The following MYO16 variants were observed in gnomAD, a reference collection of about 807,000 sequenced individuals.
MYO16 encodes myosin XVI, also known as unconventional myosin-XVI.
A neutral mutation model predicts 205.3 loss-of-function variants in MYO16; 94 were observed. The ratio of observed to expected loss-of-function variants is 0.46; its 90% CI spans 0.39 to 0.54. MYO16 has a LOEUF of 0.54. Among genes scored for constraint, MYO16 ranks in the 20% least tolerant of loss-of-function variants. The pLI, the probability that MYO16 is intolerant of heterozygous loss-of-function variation, is 0.00. For synonymous variants in MYO16, 988 were observed against 954.0 expected, an observed-to-expected ratio of 1.04 and a Z score of -0.66; for missense variants, 2,315 against 2,387.5, an observed-to-expected ratio of 0.97 and a Z score of 0.63.
chr13:108,941,173 C>G (rs117463389), intron 16 of MYO16, among the ~76,000 whole-genome samples: 1 of 152,176 alleles, frequency 6.6e-6, no homozygotes, highest in East Asian at 1.9e-4. Flanking sequence ...AGAAGCTGCT[C>G]TGGGCAAGGC....
Position 108,757,842 on chromosome 13 carries a change from T to C in MYO16, c.508-27793T>C, listed in dbSNP as rs1161460702. Among the ~76,000 whole-genome samples, 9 of 152,230 alleles carry C rather than the reference T, an allele frequency of 5.9e-5. No individual in the cohort carries two copies. The East Asian group carries it at 1.3e-3, about 23-fold the overall frequency. On this transcript the variant is annotated intron_variant, in intron 4 of 34. Coordinates refer to ENST00000457511, the MANE Select transcript of MYO16 (RefSeq NM_001198950.3). ...TCACTGCACCGTCAGACCATGTAGC[T>C]ACTTCATATGAGGGCAATGCTACAA...
intron 12 of MYO16, among the ~76,000 whole-genome samples, chr13:108,879,831 C>T (rs146291543): frequency 9.9e-5 from 15 of 152,166 alleles, no homozygotes; most frequent in East Asian, 7.7e-4. Flanking sequence ...TACATGTGCA[C>T]GTAACTTTAT....
chr13:109,154,727 C>T (rs1476348262), intron 32 of MYO16, among the ~76,000 whole-genome samples: 1 of 151,658 alleles, frequency 6.6e-6, no homozygotes, highest in Admixed American at 6.6e-5. Flanking sequence ...TTGCTGACAC[C>T]GACCGCGTAC....
rs1393363019 is a variant in MYO16, at chr13:108,686,164, C to G, written c.292+20015C>G. Among the ~76,000 whole-genome samples, 3 of 152,132 alleles carry G rather than the reference C, an allele frequency of 2.0e-5. No homozygotes were observed. In the East Asian group the frequency reaches 5.8e-4, roughly 29 times the overall value. On this transcript the variant is annotated intron_variant, in intron 2 of 34. Coordinates refer to ENST00000457511, the MANE Select transcript of MYO16 (RefSeq NM_001198950.3). Reference sequence around the variant, plus strand: ...CAGGCAGAGTTGGCTATGGGAGGATCCCACACCTGGCAGGAGTGGAGCCGC... The same window carrying G: ...CAGGCAGAGTTGGCTATGGGAGGATGCCACACCTGGCAGGAGTGGAGCCGC...
intron 23 of MYO16, among the ~76,000 whole-genome samples, chr13:109,023,805 A>G (rs1886254766): frequency 7.4e-6 from 1 of 135,798 alleles, no homozygotes; most frequent in Non-Finnish European, 1.5e-5. Context: ...ACATTTATAT[A>G]CATATATTTA....
At chr13:109,129,289 G>A (rs995513646) in intron 31 of MYO16, among the ~76,000 whole-genome samples, 2 of 152,048 alleles carry the variant, frequency 1.3e-5, no homozygotes, top group Non-Finnish European at 2.9e-5. Context: ...TAAGACTATG[G>A]GGAGGAGAGT....
In MYO16 at chr13:108,760,137, A is replaced by G. The variant is rs201910287; in HGVS notation, c.508-25498A>G. On this transcript the variant is annotated intron_variant, in intron 4 of 34. Transcript: ENST00000457511. ...TTGCTAACTATAATTTCCCTACCAC[A>G]CTATCGAATACTAGAATGTACTCCT... is the stretch of plus-strand genomic sequence containing the variant. Among the ~76,000 whole-genome samples, 30 of 152,330 alleles carry G rather than the reference A, an allele frequency of 2.0e-4. 1 individual carries two copies. The East Asian group carries it at 5.0e-3, about 25-fold the overall frequency.
At chr13:108,926,550 G>A (rs957348593) in intron 16 of MYO16, among the ~76,000 whole-genome samples, 1 of 152,118 alleles carries the variant, frequency 6.6e-6, no homozygotes, top group African/African-American at 2.4e-5. Context: ...GCCAGCCAGA[G>A]AGAAACGAAC....
rs1246222236 is a variant in MYO16, at chr13:108,835,359, T to C, written c.1098-8984T>C. Among the ~76,000 whole-genome samples, 15 of 152,160 alleles carry C rather than the reference T, an allele frequency of 9.9e-5. No individual in the cohort carries two copies. In the East Asian group the frequency reaches 2.9e-3, roughly 29 times the overall value. ...CCTTGTGAAGAGATTCCTCCTGCAA[T>C]TATTGTAATTTTCCTGAGGCCTCTT... On this transcript the variant is annotated intron_variant, in intron 9 of 34. Coordinates refer to ENST00000457511, the MANE Select transcript of MYO16 (RefSeq NM_001198950.3).
chr13:108,581,093 C>T, the MYO16 span, among the ~76,000 whole-genome samples: 1 of 152,068 alleles, frequency 6.6e-6, no homozygotes. Context: ...TACACGCTGC[C>T]ACCTGTGTGC....
chr13:108,591,379 GCTT>G (rs1173700097), upstream of MYO16, among the ~76,000 whole-genome samples: 1 of 152,054 alleles, frequency 6.6e-6, no homozygotes, highest in Non-Finnish European at 1.5e-5. Flanking sequence ...AGCATTCAGT[GCTT>G]CTTTGAAAAT....
intron 27 of MYO16, among the ~76,000 whole-genome samples, chr13:109,075,380 C>G (rs1261800787): frequency 3.3e-5 from 1 of 29,958 alleles, no homozygotes. Flanking sequence ...ACCAGCATTT[C>G]CTTTTTTTTT....
intron 27 of MYO16, among the ~76,000 whole-genome samples, chr13:109,094,671 C>T (rs1888723746): frequency 6.6e-6 from 1 of 152,148 alleles, no homozygotes; most frequent in African/African-American, 2.4e-5. Flanking sequence ...GCTATCCCTC[C>T]CCTAGCCCCC....
intron 23 of MYO16, among the ~76,000 whole-genome samples, chr13:109,026,677 A>C (rs1171308478): frequency 6.6e-6 from 1 of 152,124 alleles, no homozygotes; most frequent in Non-Finnish European, 1.5e-5. Context: ...AGTGATTCCT[A>C]CACTTCTCTA....
intron 23 of MYO16, among the ~76,000 whole-genome samples, chr13:109,037,309 C>T (rs537462693): frequency 2.0e-4 from 30 of 152,150 alleles, no homozygotes; most frequent in Non-Finnish European, 3.5e-4. Flanking sequence ...CCAGGTGCTG[C>T]GTATAGATGC....
rs1883610030 is a variant in MYO16 at position 108,962,106 on chromosome 13, AAAC to A, written c.2156-313_2156-311del. Among the ~76,000 whole-genome samples, 8 of 152,316 alleles carry A rather than the reference AAAC, an allele frequency of 5.3e-5. 1 individual carries two copies. The Middle Eastern group carries it at 0.024, about 453-fold the overall frequency. On this transcript the variant is annotated intron_variant, in intron 18 of 34. Transcript: ENST00000457511. ...TACCTTAAAACCACAGATTGTCAGG[AAAC>A]AACATATCTTCACCTATATCAAAGA...
At chr13:108,699,872 A>T (rs1455171761) in intron 2 of MYO16, among the ~76,000 whole-genome samples, 1 of 152,124 alleles carries the variant, frequency 6.6e-6, no homozygotes, top group Non-Finnish European at 1.5e-5. Context: ...AGAGATACAT[A>T]TTTTTAGGGA....
intron 34 of MYO16, among the ~76,000 whole-genome samples, chr13:109,189,154 A>G (rs929088657): frequency 1.3e-5 from 2 of 151,184 alleles, no homozygotes; most frequent in Non-Finnish European, 2.9e-5. Context: ...GAAGGCCAAA[A>G]GATTCAGCAA....
chr13:108,940,488 T>TA (rs1168410482), intron 16 of MYO16, among the ~76,000 whole-genome samples: 2 of 152,214 alleles, frequency 1.3e-5, no homozygotes, highest in African/African-American at 4.8e-5. Flanking sequence ...CAAATGCACT[T>TA]ACTCCCATCA....
Sources: allele counts gnomAD v4.1 joint callset (sites outside exome capture counted in the v4.1 genomes callset), GRCh38; gene constraint gnomAD v4.1.1; transcripts MANE v1.5; gene names NCBI Gene and HGNC (gene_info 2026-07-23, HGNC 2026-07-21).